The following ANKS1B variants were observed in gnomAD, a reference collection of about 807,000 sequenced individuals.
The protein encoded by ANKS1B is ankyrin repeat and sterile alpha motif domain containing 1B, also known as ankyrin repeat and sterile alpha motif domain-containing protein 1B.
ANKS1B carries 36 observed loss-of-function variants against 148.3 expected under a neutral mutation model. The ratio of observed to expected loss-of-function variants is 0.24; its 90% CI spans 0.19 to 0.32. The LOEUF is 0.32. Ranked by LOEUF, ANKS1B falls within the 10% of genes least tolerant of loss-of-function variation. The pLI is 1.00. For synonymous variants in ANKS1B, 542 were observed against 560.8 expected (o/e 0.97, Z 0.47); for missense variants, 1,157 against 1,542.6 (o/e 0.75, Z 4.19).
Position 99,246,712 on chromosome 12 carries a change from C to A in ANKS1B, c.1909G>T (p.Asp637Tyr). 6.2e-7 allele frequency: 1 copy of A among 1,613,942 alleles called. No individual in the cohort carries two copies. ...GKREQCEKGQ[D>Y]EVSLANSPLP... ...GGACTGTTTGCCAAACTGACTTCAT[C>A]TTGTCCTTTTTCACATTGTTCTCTT... Residue 637 changes from aspartate to tyrosine, a missense_variant, in exon 13 of 27, where the codon GAT becomes TAT. Asp to Tyr is a radical substitution (Grantham distance 160). Around this residue, in one of 6 missense-constraint regions of ANKS1B, gnomAD observed 661 missense variants for 642.1 expected, o/e 1.03. Coordinates refer to ENST00000683438, the MANE Select transcript of ANKS1B (RefSeq NM_001352186.2).
intron 25 of ANKS1B, among the ~76,000 whole-genome samples, chr12:98,762,248 T>G (rs1347363325): frequency 2.0e-5 from 3 of 152,216 alleles, no homozygotes; most frequent in Non-Finnish European, 2.9e-5. Flanking sequence ...CAGCACCTAT[T>G]GCCACTGAGA....
chr12:99,061,842 A>T (rs2042554122), intron 16 of ANKS1B, among the ~76,000 whole-genome samples: 1 of 152,194 alleles, frequency 6.6e-6, no homozygotes, highest in Admixed American at 6.5e-5. Flanking sequence ...TCGTTAAAGA[A>T]GCTTCATTTC....
chr12:99,282,056 A>C (rs1263101601), intron 12 of ANKS1B, among the ~76,000 whole-genome samples: 1 of 152,194 alleles, frequency 6.6e-6, no homozygotes, highest in Non-Finnish European at 1.5e-5. Flanking sequence ...GTGCAGTAAT[A>C]ATACAGGCAA....
At chr12:99,729,391 C>G (rs1218259311) in intron 8 of ANKS1B, among the ~76,000 whole-genome samples, 1 of 152,006 alleles carries the variant, frequency 6.6e-6, no homozygotes, top group Non-Finnish European at 1.5e-5. Context: ...TGAAGTTTGC[C>G]ATTTTTTTTC....
At chr12:99,501,236 G>A (rs148544535) in intron 10 of ANKS1B, among the ~76,000 whole-genome samples, 17 of 152,204 alleles carry the variant, frequency 1.1e-4, no homozygotes, top group African/African-American at 4.1e-4. Flanking sequence ...CACTTAAGGT[G>A]TGGATCGGCT....
At chr12:99,647,907 A>C (rs1310673396) in intron 9 of ANKS1B, 1 of 443,542 alleles carries the variant, frequency 2.3e-6, no homozygotes, top group Non-Finnish European at 4.0e-6. Context: ...GACATCCACG[A>C]GGGCCCCAAC....
intron 9 of ANKS1B, among the ~76,000 whole-genome samples, chr12:99,645,411 T>TTGTGTGTG (rs1208638876): frequency 1.3e-5 from 2 of 152,194 alleles, no homozygotes; most frequent in African/African-American, 2.4e-5. Context: ...TGTAGTAGTT[T>TTGTGTGTG]TGTTGTTGGG....
At chr12:99,255,897 GA>G in intron 12 of ANKS1B, among the ~76,000 whole-genome samples, 1 of 152,104 alleles carries the variant, frequency 6.6e-6, no homozygotes, top group South Asian at 2.1e-4. Context: ...TGTTTCATGA[GA>G]ATTACATGTA....
At position 98,760,271 on chromosome 12, in the gene ANKS1B, CT is replaced by C. The variant is rs11395668; in HGVS notation, c.3580-8750del. On this transcript the variant is annotated intron_variant, in intron 25 of 26. Transcript: ENST00000683438. Reference sequence around the variant, plus strand: ...TGCGTTTAAAATAGTCTTATTCTTGCTTTTTTTTTTTGAGACAGGGTCTTGC... The same window carrying C: ...TGCGTTTAAAATAGTCTTATTCTTGCTTTTTTTTTTGAGACAGGGTCTTGC... Among the ~76,000 whole-genome samples the C allele has an allele frequency of 6.7e-3, 986 of 147,148 alleles. 11 individuals are homozygous for C. The highest frequency in any genetic ancestry group is 0.022 in the African/African-American group (885 of 40,360).
At chr12:99,721,729 T>C (rs1283622661) in intron 8 of ANKS1B, among the ~76,000 whole-genome samples, 2 of 152,358 alleles carry the variant, frequency 1.3e-5, no homozygotes, top group Non-Finnish European at 1.5e-5. Context: ...TTCACACTGA[T>C]GCGCATGAAA....
intron 12 of ANKS1B, among the ~76,000 whole-genome samples, chr12:99,371,287 T>G (rs1486169909): frequency 6.6e-6 from 1 of 152,080 alleles, no homozygotes; most frequent in Non-Finnish European, 1.5e-5. Context: ...TTACTGTATG[T>G]TGTCTCTACA....
chr12:99,829,757 G>C (rs1401021377), intron 1 of ANKS1B, among the ~76,000 whole-genome samples: 2 of 152,206 alleles, frequency 1.3e-5, no homozygotes, highest in African/African-American at 4.8e-5. Flanking sequence ...TTGAACCTGG[G>C]AGGCAGAGGT....
chr12:99,198,419 T>A (rs759128237), intron 14 of ANKS1B, among the ~76,000 whole-genome samples: 16 of 152,114 alleles, frequency 1.1e-4, no homozygotes, highest in Non-Finnish European at 2.1e-4. Context: ...AAAGAGAACA[T>A]GAATATAGCA....
intron 12 of ANKS1B, among the ~76,000 whole-genome samples, chr12:99,296,397 T>C (rs59202277): frequency 4.6e-5 from 7 of 152,208 alleles, no homozygotes; most frequent in African/African-American, 1.7e-4. Context: ...TTCTGGTCTT[T>C]TAAAATTAAA....
intron 12 of ANKS1B, among the ~76,000 whole-genome samples, chr12:99,348,540 T>G (rs545879982): frequency 6.6e-6 from 1 of 151,906 alleles, no homozygotes; most frequent in African/African-American, 2.4e-5. Flanking sequence ...AGCAAGAATC[T>G]TGAAAGAAGC....
At chr12:99,586,801 G>A (rs550170314) in intron 9 of ANKS1B, among the ~76,000 whole-genome samples, 1 of 152,262 alleles carries the variant, frequency 6.6e-6, no homozygotes, top group Admixed American at 6.5e-5. Flanking sequence ...AAGAGTATGT[G>A]CGGGGGAACT....
chr12:98,938,188 A>G (rs1002377650), intron 17 of ANKS1B, among the ~76,000 whole-genome samples: 12 of 152,218 alleles, frequency 7.9e-5, no homozygotes, highest in African/African-American at 2.9e-4. Context: ...TAGCTATGCA[A>G]ATAGCAAATA....
intron 21 of ANKS1B, among the ~76,000 whole-genome samples, chr12:98,800,410 T>C (rs1177310548): frequency 6.6e-6 from 1 of 152,102 alleles, no homozygotes; most frequent in Non-Finnish European, 1.5e-5. Flanking sequence ...CCACTTTTTC[T>C]GCTGTCGTCA....
At chr12:99,361,411 C>G (rs1030931849) in intron 12 of ANKS1B, among the ~76,000 whole-genome samples, 2 of 152,042 alleles carry the variant, frequency 1.3e-5, no homozygotes, top group African/African-American at 4.8e-5. Context: ...TATTAAGTAA[C>G]TCCTTATTAT....
Sources: allele counts gnomAD v4.1 joint callset (sites outside exome capture counted in the v4.1 genomes callset), GRCh38; gene constraint gnomAD v4.1.1; regional missense constraint gnomAD v4.1.1; transcripts MANE v1.5; gene names NCBI Gene and HGNC (gene_info 2026-07-23, HGNC 2026-07-21).